Variants in LOC112694756 observed in about 807,000 individuals in gnomAD.
the LOC112694756 span, chr16:30,069,593 G>T: frequency 6.2e-7 from 1 of 1,614,110 alleles, no homozygotes; most frequent in Non-Finnish European, 8.5e-7. Context: ...GGCCATGCTT[G>T]CACTCAGAAG....
chr16:30,069,684 C>T, the LOC112694756 span: 2 of 1,613,282 alleles, frequency 1.2e-6, no homozygotes. Flanking sequence ...GTGAGGCCCA[C>T]ACTCATCTTG....
chr16:30,053,731 A>C, the LOC112694756 span, among the ~76,000 whole-genome samples: 1 of 152,166 alleles, frequency 6.6e-6, no homozygotes, highest in South Asian at 2.1e-4. Flanking sequence ...CCACGAGAAA[A>C]GGCATTTCCG....
At chr16:30,063,975 T>G in the LOC112694756 span, 8 of 398,722 alleles carry the variant, frequency 2.0e-5, no homozygotes, top group Non-Finnish European at 3.1e-5. Context: ...GAACTGGAAG[T>G]GGCAGCGCAG....
the LOC112694756 span, chr16:30,069,884 A>G: frequency 2.8e-5 from 45 of 1,613,926 alleles, no homozygotes; most frequent in Admixed American, 1.2e-4. Flanking sequence ...ATCAACCTCA[A>G]TGCCATTAAC....
the LOC112694756 span, among the ~76,000 whole-genome samples, chr16:30,055,482 C>T: frequency 9.9e-5 from 15 of 152,168 alleles, no homozygotes; most frequent in Admixed American, 2.0e-4. Context: ...TAAAAACAAC[C>T]TATCAGATAA....
chr16:30,054,460 G>A, the LOC112694756 span: 1 of 221,024 alleles, frequency 4.5e-6, no homozygotes, highest in South Asian at 1.8e-4. Flanking sequence ...GATGACAGGA[G>A]CCGGTAATGT....
At chr16:30,056,116 T>G in the LOC112694756 span, among the ~76,000 whole-genome samples, 2 of 147,340 alleles carry the variant, frequency 1.4e-5, no homozygotes, top group African/African-American at 2.5e-5. Context: ...TTTTTTTTTT[T>G]TTTTTTTTTT....
At chr16:30,063,106 A>G in the LOC112694756 span, among the ~76,000 whole-genome samples, 3 of 150,854 alleles carry the variant, frequency 2.0e-5, no homozygotes, top group Non-Finnish European at 2.9e-5. Context: ...GCACCATTGC[A>G]CTCCACCCTG....
the LOC112694756 span, chr16:30,067,804 A>G: frequency 5.6e-6 from 5 of 895,182 alleles, no homozygotes; most frequent in Non-Finnish European, 9.0e-6. Context: ...TTTACTCGAC[A>G]TTTTTAATCC....
At chr16:30,055,057 A>G in the LOC112694756 span, 1 of 398,712 alleles carries the variant, frequency 2.5e-6, no homozygotes, top group Non-Finnish European at 4.4e-6. Flanking sequence ...GTTTTGTGGT[A>G]CCAGGGGGTC....
chr16:30,069,959 C>T, the LOC112694756 span: 8 of 1,613,906 alleles, frequency 5.0e-6, no homozygotes, highest in Non-Finnish European at 6.8e-6. Flanking sequence ...CAGGCCTCTG[C>T]CCTGAAGGCC....
the LOC112694756 span, chr16:30,067,504 G>A: frequency 8.1e-6 from 13 of 1,613,546 alleles, no homozygotes; most frequent in African/African-American, 1.3e-5. Context: ...GAGGAGAACC[G>A]GCGCTTCTAC....
At chr16:30,055,658 G>A in the LOC112694756 span, among the ~76,000 whole-genome samples, 3 of 152,132 alleles carry the variant, frequency 2.0e-5, no homozygotes, top group Admixed American at 6.6e-5. Context: ...TCCGTTCACC[G>A]AATGAACTGT....
the LOC112694756 span, among the ~76,000 whole-genome samples, chr16:30,054,048 G>A: frequency 2.0e-5 from 3 of 151,336 alleles, no homozygotes; most frequent in African/African-American, 7.3e-5. Context: ...GACCAGGTGC[G>A]GTGGCTCATG....
the LOC112694756 span, chr16:30,063,744 T>C: frequency 2.5e-6 from 1 of 399,488 alleles, no homozygotes; most frequent in Non-Finnish European, 4.4e-6. Flanking sequence ...GGCACCTCGC[T>C]GCCCCCGCTG....
At chr16:30,062,284 A>T in the LOC112694756 span, among the ~76,000 whole-genome samples, 11 of 152,222 alleles carry the variant, frequency 7.2e-5, no homozygotes, top group Non-Finnish European at 1.2e-4. Context: ...CTGTAATCCC[A>T]GCACTTTGGG....
the LOC112694756 span, chr16:30,067,587 C>G: frequency 1.2e-6 from 2 of 1,614,090 alleles, no homozygotes; most frequent in Non-Finnish European, 1.7e-6. Context: ...CCATGAGACA[C>G]TCTACCAGAA....
the LOC112694756 span, among the ~76,000 whole-genome samples, chr16:30,062,823 G>A: frequency 6.6e-5 from 10 of 150,704 alleles, no homozygotes; most frequent in Non-Finnish European, 7.4e-5. Flanking sequence ...CTGGGCAACA[G>A]GAGTGAAACT....
the LOC112694756 span, chr16:30,068,468 G>A: frequency 2.8e-6 from 2 of 710,694 alleles, no homozygotes; most frequent in Admixed American, 4.1e-5. Context: ...GGCTAAAGAA[G>A]AGGAAAGAGG....
Sources: allele counts gnomAD v4.1 joint callset (sites outside exome capture counted in the v4.1 genomes callset), GRCh38; gene constraint gnomAD v4.1.1; transcripts MANE v1.5.